Variants in ZBTB20 observed in about 807,000 individuals in gnomAD.
ZBTB20 encodes the protein zinc finger and BTB domain containing 20, also known as zinc finger and BTB domain-containing protein 20.
A neutral mutation model predicts 56.9 loss-of-function variants in ZBTB20; 9 were observed. That is an observed-to-expected ratio of 0.16 (90% CI 0.10 to 0.28). The LOEUF is 0.28. Ranked by LOEUF, ZBTB20 falls within the 10% of genes least tolerant of loss-of-function variation. The pLI, the probability that ZBTB20 is intolerant of heterozygous loss-of-function variation, is 1.00. For missense variants in ZBTB20, 655 were observed against 1,003.0 expected, an observed-to-expected ratio of 0.65 and a Z score of 4.69; for synonymous variants, 417 against 420.7, an observed-to-expected ratio of 0.99 and a Z score of 0.11.
chr3:115,109,150 A>G (rs1015686291), intron 1 of ZBTB20, among the ~76,000 whole-genome samples: 3 of 152,202 alleles, frequency 2.0e-5, no homozygotes, highest in Non-Finnish European at 4.4e-5. Flanking sequence ...CCTCTCTACT[A>G]AACAATCTAC....
intron 6 of ZBTB20, among the ~76,000 whole-genome samples, chr3:114,575,528 C>A (rs1577685577): frequency 6.6e-6 from 1 of 150,992 alleles, no homozygotes; most frequent in African/African-American, 2.4e-5. Context: ...ATTTTCCCAG[C>A]AAATTCATAT....
chr3:115,056,386 T>C (rs2108456965), intron 2 of ZBTB20, among the ~76,000 whole-genome samples: 1 of 152,222 alleles, frequency 6.6e-6, no homozygotes, highest in South Asian at 2.1e-4. Context: ...TCTGGCAATA[T>C]GTATCATAAC....
In ZBTB20 at chr3:114,943,910, CAA is replaced by C. The variant is rs367766907; in HGVS notation, c.-456+30454_-456+30455del. Reference sequence around the variant, plus strand: ...AGGATAAACACAAAGAAACCAACTACAAAAAAAAAAAAAAAGCCTGTTTGTAA... The same window carrying C: ...AGGATAAACACAAAGAAACCAACTACAAAAAAAAAAAAAGCCTGTTTGTAA... On this transcript the variant is annotated intron_variant, in intron 3 of 11. Transcript: ENST00000675478. Among the ~76,000 whole-genome samples, 11 of 59,054 alleles carry C rather than the reference CAA, an allele frequency of 1.9e-4. 1 individual carries two copies. Among genetic ancestry groups the C allele is most frequent in the African/African-American group, 2.2e-4 (3 of 13,922 alleles). 38.7% of individuals were successfully genotyped at this position (59,054 alleles called of 152,430 possible). A position where few individuals can be genotyped will look rare whatever the true frequency, so the allele number is the denominator to read the frequency against.
intron 5 of ZBTB20, among the ~76,000 whole-genome samples, chr3:114,778,289 C>CA (rs71146336): frequency 0.9 from 128,406 of 142,494 alleles, 58,094 homozygotes; most frequent in East Asian, 0.98. Flanking sequence ...AATACACATT[C>CA]AAAAAAAAAA....
At chr3:114,750,278 C>G (rs1317012699) in intron 5 of ZBTB20, among the ~76,000 whole-genome samples, 1 of 152,004 alleles carries the variant, frequency 6.6e-6, no homozygotes, top group Non-Finnish European at 1.5e-5. Flanking sequence ...CAAAGCAACA[C>G]GGAGAAGAAA....
rs902112223 is a variant in ZBTB20, at chr3:114,325,827, G to C, written c.*13178C>G. The C allele has an allele frequency of 8.5e-5, 13 of 152,164 alleles. No homozygotes were observed. The highest frequency in any genetic ancestry group is 3.1e-4 in the African/African-American group (13 of 41,436). 9.4% of individuals were successfully genotyped at this position (152,164 alleles called of 1,614,324 possible). A position where few individuals can be genotyped will look rare whatever the true frequency, so the allele number is the denominator to read the frequency against. ...TGTCAGGCTATCTGTTAATCGAGTT[G>C]AGTTGAAAACAGTATGCTTTCAAAT... On this transcript the variant is annotated 3_prime_UTR_variant, in exon 12 of 12. Coordinates refer to ENST00000675478, the MANE Select transcript of ZBTB20 (RefSeq NM_001348800.3).
rs759166469 is a variant in ZBTB20, at chr3:114,339,463, C to A, written c.1805-37G>T. ...GGAAGAGACAGCAAGCAGGACAGAG[C>A]GAGACATAGCAAGGGATAGAGAATG... On this transcript the variant is annotated intron_variant, in intron 11 of 11. Transcript: ENST00000675478. The surrounding 1 kb of genome is among the most constrained non-coding windows in gnomAD (Gnocchi z 4.2). 29 of 1,584,792 alleles carry A rather than the reference C, an allele frequency of 1.8e-5. No homozygotes were observed. The highest frequency in any genetic ancestry group is 1.6e-4 in the South Asian group (14 of 88,998).
intron 7 of ZBTB20, among the ~76,000 whole-genome samples, chr3:114,444,303 G>A (rs2091124027): frequency 6.6e-6 from 1 of 152,068 alleles, no homozygotes; most frequent in African/African-American, 2.4e-5. Context: ...GAGATACAAG[G>A]CTATGGAGGT....
intron 7 of ZBTB20, among the ~76,000 whole-genome samples, chr3:114,493,055 A>G (rs1278884386): frequency 6.6e-6 from 1 of 152,202 alleles, no homozygotes; most frequent in African/African-American, 2.4e-5. Context: ...TAACTTTGTC[A>G]TCCACAAGTA....
At chr3:114,560,825 CAT>C (rs1303193170) in intron 6 of ZBTB20, among the ~76,000 whole-genome samples, 1 of 152,152 alleles carries the variant, frequency 6.6e-6, no homozygotes, top group African/African-American at 2.4e-5. Flanking sequence ...AAGTTTGCCA[CAT>C]GATTGACTCT....
At chr3:114,621,007 T>C (rs76799269) in intron 6 of ZBTB20, among the ~76,000 whole-genome samples, 2,530 of 152,304 alleles carry the variant, frequency 0.017, 65 homozygotes, top group African/African-American at 0.057. Context: ...GTAAAATAGC[T>C]GAGAAACTAA....
intron 7 of ZBTB20, among the ~76,000 whole-genome samples, chr3:114,498,508 C>T (rs1473598597): frequency 6.6e-6 from 1 of 152,160 alleles, no homozygotes; most frequent in Non-Finnish European, 1.5e-5. Context: ...AGCCATCAAC[C>T]ATCAACTGTG....
At chr3:115,099,528 T>C (rs1182815039) in intron 1 of ZBTB20, among the ~76,000 whole-genome samples, 1 of 152,202 alleles carries the variant, frequency 6.6e-6, no homozygotes, top group African/African-American at 2.4e-5. Flanking sequence ...AATGTTTCTA[T>C]GTGTGTGATG....
At chr3:114,446,549 A>G (rs2091283481) in intron 7 of ZBTB20, among the ~76,000 whole-genome samples, 1 of 152,170 alleles carries the variant, frequency 6.6e-6, no homozygotes, top group Non-Finnish European at 1.5e-5. Flanking sequence ...CTGCTTTACA[A>G]AAGAATAAAA....
intron 6 of ZBTB20, among the ~76,000 whole-genome samples, chr3:114,574,378 ATT>A (rs1380205825): frequency 6.6e-6 from 1 of 152,208 alleles, no homozygotes; most frequent in African/African-American, 2.4e-5. Flanking sequence ...ACTTTGCAGA[ATT>A]TTGTGTCAAT....
intron 6 of ZBTB20, among the ~76,000 whole-genome samples, chr3:114,537,205 T>C (rs2048568409): frequency 1.3e-5 from 2 of 152,230 alleles, no homozygotes; most frequent in Admixed American, 1.3e-4. Flanking sequence ...ACAGGCAACC[T>C]ACAGAATGGG....
At chr3:114,953,831 A>G (rs1190035125) in intron 3 of ZBTB20, among the ~76,000 whole-genome samples, 1 of 152,114 alleles carries the variant, frequency 6.6e-6, no homozygotes, top group Admixed American at 6.6e-5. Flanking sequence ...AACTGAAAAA[A>G]TTAGCTTCAT....
At chr3:114,901,570 A>G (rs1483415046) in intron 3 of ZBTB20, among the ~76,000 whole-genome samples, 1 of 152,178 alleles carries the variant, frequency 6.6e-6, no homozygotes, top group African/African-American at 2.4e-5. Context: ...TAGAAAACCA[A>G]CAGAAATTTA....
At chr3:114,596,857 G>GT (rs1309252239) in intron 6 of ZBTB20, among the ~76,000 whole-genome samples, 1 of 152,144 alleles carries the variant, frequency 6.6e-6, no homozygotes, top group Non-Finnish European at 1.5e-5. Context: ...TACACAGGAT[G>GT]TGAGATCAAG....
Sources: gnomAD v4.1 joint callset for allele counts (sites outside exome capture counted in the v4.1 genomes callset) on GRCh38, gnomAD v4.1.1 for gene constraint, Gnocchi (gnomAD v3.1) non-coding constraint, MANE v1.5 for transcripts, NCBI Gene and HGNC (gene_info 2026-07-23, HGNC 2026-07-21) for gene names.